PTPRT: variants seen among roughly 807,000 people sequenced by gnomAD.
The protein encoded by PTPRT is protein tyrosine phosphatase receptor type T.
Under a neutral mutation model 176.8 loss-of-function variants are expected in PTPRT, and 56 were observed. That is an observed-to-expected ratio of 0.32 (90% CI 0.26 to 0.40). The LOEUF (loss-of-function observed/expected upper bound fraction) is 0.40. Ranked by LOEUF, PTPRT falls within the 10% of genes least tolerant of loss-of-function variation. The probability of loss-of-function intolerance (pLI) is 1.00; values close to 1 mark genes in which losing one functional copy is unlikely to be tolerated. For synonymous variants in PTPRT, 783 were observed against 739.0 expected (o/e 1.06, Z -0.96); for missense variants, 1,540 against 1,908.2 (o/e 0.81, Z 3.60).
intron 1 of PTPRT, among the ~76,000 whole-genome samples, chr20:42,941,377 ATG>A (rs2050792119): frequency 6.6e-6 from 1 of 152,148 alleles, no homozygotes; most frequent in Non-Finnish European, 1.5e-5. Context: ...TGCTCAATAA[ATG>A]TCAGTTCCAA....
At position 42,187,805 on chromosome 20, in the gene PTPRT, A is replaced by C. The variant is rs538003959; in HGVS notation, c.2491+11435T>G. 3.3e-4 allele frequency among the ~76,000 whole-genome samples: 50 copies of C among 152,300 alleles called. No homozygotes were observed. In the South Asian group the frequency reaches 9.7e-3, roughly 30 times the overall value. On this transcript the variant is annotated intron_variant, in intron 16 of 30. Coordinates refer to ENST00000373187, the MANE Select transcript of PTPRT (RefSeq NM_007050.6). ...GGACCACATTTACACAGCCCCATTT[A>C]TAGCCCACTGTTTTGATGTTATACC...
intron 7 of PTPRT, among the ~76,000 whole-genome samples, chr20:42,474,471 T>C (rs1014037860): frequency 1.3e-5 from 2 of 152,216 alleles, no homozygotes; most frequent in Admixed American, 1.3e-4. Context: ...TGGGCAGCCC[T>C]GGCCCCTGAT....
At chr20:42,658,056 A>T (rs903416542) in intron 7 of PTPRT, among the ~76,000 whole-genome samples, 1 of 152,060 alleles carries the variant, frequency 6.6e-6, no homozygotes, top group African/African-American at 2.4e-5. Context: ...ACTGACTTGT[A>T]CATATATCTA....
Position 42,077,538 on chromosome 20 carries a change from T to G in PTPRT, c.*3341A>C. 4.6e-6 allele frequency: 1 copy of G among 217,720 alleles called. No individual in the cohort carries two copies. Among genetic ancestry groups the G allele is most frequent in the East Asian group, 6.7e-5 (1 of 14,906 alleles). The allele number at this position is 217,720 out of a possible 1,614,324, so 13.5% of individuals were successfully genotyped here. On this transcript the variant is annotated 3_prime_UTR_variant, in exon 31 of 31. Coordinates refer to ENST00000373187, the MANE Select transcript of PTPRT (RefSeq NM_007050.6). ...GTGGGGTGGGGAGACCCCCTGGGGG[T>G]GGTGGTGTTGGCTCCGGAGATTTCC... is the stretch of plus-strand genomic sequence containing the variant.
chr20:42,571,987 T>A (rs573548744), intron 7 of PTPRT, among the ~76,000 whole-genome samples: 15 of 152,318 alleles, frequency 9.8e-5, no homozygotes, highest in Middle Eastern at 3.4e-3. Context: ...TATAACCACA[T>A]ACCATAGACA....
intron 6 of PTPRT, among the ~76,000 whole-genome samples, chr20:42,733,491 C>T (rs914856607): frequency 2.6e-5 from 4 of 152,194 alleles, no homozygotes; most frequent in Admixed American, 2.0e-4. Context: ...ATCTCCATCG[C>T]CCCCACTTCC....
At chr20:42,127,232 G>A (rs77108777) in intron 19 of PTPRT, among the ~76,000 whole-genome samples, 1,982 of 152,298 alleles carry the variant, frequency 0.013, 55 homozygotes, top group African/African-American at 0.044. Flanking sequence ...GCCCCAGTGG[G>A]CTGACTGGCA....
chr20:42,883,680 GA>G (rs2079041255), intron 2 of PTPRT, among the ~76,000 whole-genome samples: 1 of 5,742 alleles, frequency 1.7e-4, no homozygotes, highest in African/African-American at 8.0e-4. Context: ...CAAACACACG[GA>G]CACACACACA....
chr20:42,353,914 G>C (rs1037877052), intron 9 of PTPRT, among the ~76,000 whole-genome samples: 1 of 152,006 alleles, frequency 6.6e-6, no homozygotes, highest in Admixed American at 6.6e-5. Flanking sequence ...AAATTAGCTG[G>C]GTTGGTGGTA....
chr20:42,603,204 A>G (rs1200505910), intron 7 of PTPRT, among the ~76,000 whole-genome samples: 1 of 152,184 alleles, frequency 6.6e-6, no homozygotes, highest in Non-Finnish European at 1.5e-5. Flanking sequence ...GCAAGAAGAC[A>G]ATAAACAGGA....
At chr20:42,679,742 T>C (rs879378449) in intron 6 of PTPRT, among the ~76,000 whole-genome samples, 13 of 152,208 alleles carry the variant, frequency 8.5e-5, no homozygotes, top group African/African-American at 1.2e-4. Flanking sequence ...CTGCTTGAGC[T>C]TTATCATCAT....
chr20:42,068,929 C>G (rs908825962), downstream of PTPRT, among the ~76,000 whole-genome samples: 4 of 152,220 alleles, frequency 2.6e-5, no homozygotes, highest in Non-Finnish European at 5.9e-5. Context: ...TCTTCTATCT[C>G]AGCACATGTA....
intron 1 of PTPRT, among the ~76,000 whole-genome samples, chr20:42,947,003 A>C (rs1388404102): frequency 6.6e-6 from 1 of 152,192 alleles, no homozygotes; most frequent in Non-Finnish European, 1.5e-5. Context: ...ACTTCGATTC[A>C]GGTCAAAGAG....
In PTPRT at chr20:42,846,761, G is replaced by A. The variant is rs1046760069; in HGVS notation, c.214+39046C>T. On this transcript the variant is annotated intron_variant, in intron 2 of 30. Coordinates refer to ENST00000373187, the MANE Select transcript of PTPRT (RefSeq NM_007050.6). Reference sequence around the variant, plus strand: ...CTACCTTCTGAAGTGGGGAGCTCTGGAAAGTTGAGATAAGGACTGGGCCTG... The same window carrying A: ...CTACCTTCTGAAGTGGGGAGCTCTGAAAAGTTGAGATAAGGACTGGGCCTG... 7.2e-5 allele frequency among the ~76,000 whole-genome samples: 11 copies of A among 152,144 alleles called. No homozygotes were observed. The South Asian group carries it at 1.0e-3, about 14-fold the overall frequency.
At chr20:42,219,257 G>T (rs2055832308) in intron 15 of PTPRT, among the ~76,000 whole-genome samples, 1 of 152,170 alleles carries the variant, frequency 6.6e-6, no homozygotes, top group Admixed American at 6.5e-5. Flanking sequence ...GTCGGTGTTT[G>T]TTTTTTCAGG....
chr20:42,459,780 T>G (rs911269941), intron 8 of PTPRT, among the ~76,000 whole-genome samples: 4 of 151,834 alleles, frequency 2.6e-5, no homozygotes, highest in African/African-American at 9.7e-5. Context: ...AGCCTTGACC[T>G]CCCAGCCTCA....
chr20:42,649,747 C>G (rs1321014486), intron 7 of PTPRT, among the ~76,000 whole-genome samples: 1 of 152,146 alleles, frequency 6.6e-6, no homozygotes, highest in Non-Finnish European at 1.5e-5. Context: ...ACATATCCCT[C>G]CCTCAACTTC....
chr20:42,546,907 C>T (rs1601240022), intron 7 of PTPRT, among the ~76,000 whole-genome samples: 1 of 152,176 alleles, frequency 6.6e-6, no homozygotes, highest in East Asian at 1.9e-4. Flanking sequence ...TCAAAGATCA[C>T]TTATTACATA....
chr20:42,178,006 T>C (rs1990363797), intron 16 of PTPRT, among the ~76,000 whole-genome samples: 1 of 151,988 alleles, frequency 6.6e-6, no homozygotes, highest in Non-Finnish European at 1.5e-5. Context: ...GGCATGATCT[T>C]GGCTCAGTGC....
Sources: gnomAD v4.1 joint callset for allele counts (sites outside exome capture counted in the v4.1 genomes callset) on GRCh38, gnomAD v4.1.1 for gene constraint, MANE v1.5 for transcripts, NCBI Gene and HGNC (gene_info 2026-07-23, HGNC 2026-07-21) for gene names.